GABRB1: variants seen among roughly 807,000 people sequenced by gnomAD.
GABRB1 encodes the protein gamma-aminobutyric acid type A receptor subunit beta1, also known as gamma-aminobutyric acid receptor subunit beta-1.
Under a neutral mutation model 51.6 loss-of-function variants are expected in GABRB1, and 17 were observed. That is an observed-to-expected ratio of 0.33 (90% confidence interval 0.23 to 0.49). The LOEUF is 0.49. Ranked by LOEUF, GABRB1 falls within the 20% of genes least tolerant of loss-of-function variation. GABRB1 has a pLI of 0.99. For missense variants in GABRB1, 410 were observed against 600.6 expected (o/e 0.68, Z 3.32); for synonymous variants, 247 against 218.9 (o/e 1.13, Z -1.14).
At chr4:47,166,238 C>T (rs1342244040) in intron 4 of GABRB1, among the ~76,000 whole-genome samples, 1 of 151,950 alleles carries the variant, frequency 6.6e-6, no homozygotes, top group Non-Finnish European at 1.5e-5. Context: ...ATGGGATGAA[C>T]TGCGTAAGTC....
chr4:47,280,289 C>A (rs993682673), intron 4 of GABRB1, among the ~76,000 whole-genome samples: 24 of 151,628 alleles, frequency 1.6e-4, no homozygotes, highest in African/African-American at 5.8e-4. Context: ...TACTCTCTTC[C>A]CCCCCACTTT....
chr4:47,012,886 T>C (rs1313054200), intron 1 of GABRB1, among the ~76,000 whole-genome samples: 2 of 152,212 alleles, frequency 1.3e-5, no homozygotes, highest in African/African-American at 4.8e-5. Context: ...CACATGGTAA[T>C]TGGAACCTCA....
chr4:47,173,185 G>A (rs548655765), intron 4 of GABRB1, among the ~76,000 whole-genome samples: 16 of 152,104 alleles, frequency 1.1e-4, no homozygotes, highest in African/African-American at 2.4e-4. Context: ...TTGTTTGTTC[G>A]TTTTAAACAC....
intron 4 of GABRB1, among the ~76,000 whole-genome samples, chr4:47,282,170 A>G (rs190108604): frequency 1.7e-4 from 26 of 152,222 alleles, no homozygotes; most frequent in African/African-American, 6.3e-4. Context: ...ATTATTTGTC[A>G]GTTAAAAATT....
At position 47,425,660 on chromosome 4, in the gene GABRB1, CT is replaced by C. The variant is rs769250982; in HGVS notation, c.1081-9del. On this transcript the variant is annotated splice_polypyrimidine_tract_variant and intron_variant, in intron 8 of 8. Coordinates refer to ENST00000295454, the MANE Select transcript of GABRB1 (RefSeq NM_000812.4). ...CCTGCAACTTGTGTCCGAGCCTGTT[CT>C]TTTTGCCATCAGGTCGACGCCCACG... The C allele has an allele frequency of 6.3e-6, 10 of 1,575,056 alleles. No individual in the cohort carries two copies. In the South Asian group the frequency reaches 9.4e-5, roughly 15 times the overall value.
chr4:47,300,278 T>A (rs1035950278), intron 4 of GABRB1, among the ~76,000 whole-genome samples: 2 of 151,962 alleles, frequency 1.3e-5, no homozygotes, highest in African/African-American at 4.8e-5. Flanking sequence ...AAAGTGTTAA[T>A]AGTAAAAAAA....
intron 4 of GABRB1, among the ~76,000 whole-genome samples, chr4:47,258,975 C>T (rs112748542): frequency 1.2e-3 from 176 of 152,194 alleles, no homozygotes; most frequent in African/African-American, 3.9e-3. Flanking sequence ...TGCTTGCTGC[C>T]TTGGAGCTTT....
intron 3 of GABRB1, among the ~76,000 whole-genome samples, chr4:47,111,952 G>A (rs144889408): frequency 1.1e-4 from 16 of 147,684 alleles, no homozygotes; most frequent in African/African-American, 3.2e-4. Flanking sequence ...TTTCCTTCAT[G>A]AATACAAAGT....
In GABRB1 at chr4:47,254,361, G is replaced by GGTTTTTT. The variant is rs1305298443; in HGVS notation, c.462-65766_462-65765insGTTTTTT. 1.1e-4 allele frequency among the ~76,000 whole-genome samples: 9 copies of GGTTTTTT among 80,966 alleles called. 2 individuals carry two copies. The highest frequency in any genetic ancestry group is 2.1e-4 in the African/African-American group (4 of 19,290). The allele number at this position is 80,966 out of a possible 152,430, so 53.1% of individuals were successfully genotyped here. On this transcript the variant is annotated intron_variant, in intron 4 of 8. Transcript: ENST00000295454. ...ATGGTGGATGATGTTTCTTTTCTTT[G>GGTTTTTT]TTTTTTTTTTTTTTTTTTTTTTTTT... is the stretch of plus-strand genomic sequence containing the variant.
intron 5 of GABRB1, among the ~76,000 whole-genome samples, chr4:47,338,599 T>C (rs906733819): frequency 1.3e-5 from 2 of 152,220 alleles, no homozygotes; most frequent in African/African-American, 4.8e-5. Context: ...TTTCTCCCTA[T>C]TATTGGCAGG....
At chr4:47,060,423 G>T (rs761781617) in intron 3 of GABRB1, among the ~76,000 whole-genome samples, 3 of 151,968 alleles carry the variant, frequency 2.0e-5, no homozygotes, top group African/African-American at 7.3e-5. Flanking sequence ...CCCCATAACC[G>T]CAGAATAAAA....
intron 3 of GABRB1, among the ~76,000 whole-genome samples, chr4:47,109,215 T>C (rs544928869): frequency 1.3e-5 from 2 of 152,116 alleles, no homozygotes; most frequent in African/African-American, 2.4e-5. Flanking sequence ...GGGAACCAGA[T>C]AGAAGAGTAT....
chr4:47,299,239 G>C (rs564159644), intron 4 of GABRB1, among the ~76,000 whole-genome samples: 1 of 152,090 alleles, frequency 6.6e-6, no homozygotes, highest in African/African-American at 2.4e-5. Context: ...ATTGACAAAT[G>C]GGATCTCATT....
At chr4:47,042,710 T>A (rs924251224) in intron 3 of GABRB1, among the ~76,000 whole-genome samples, 3 of 151,710 alleles carry the variant, frequency 2.0e-5, no homozygotes, top group African/African-American at 4.8e-5. Context: ...TAGGGATTTT[T>A]AAATAAGAAT....
At chr4:47,121,307 T>C (rs1012809384) in intron 3 of GABRB1, among the ~76,000 whole-genome samples, 3 of 152,108 alleles carry the variant, frequency 2.0e-5, no homozygotes, top group African/African-American at 7.2e-5. Context: ...ACATAGATTC[T>C]CTCTCCCCAC....
At chr4:47,204,269 T>C (rs370863297) in intron 4 of GABRB1, among the ~76,000 whole-genome samples, 10 of 152,198 alleles carry the variant, frequency 6.6e-5, no homozygotes, top group African/African-American at 2.2e-4. Context: ...AATTTCTCTG[T>C]CTGTATTTGA....
At chr4:47,040,359 A>G (rs993686738) in intron 3 of GABRB1, among the ~76,000 whole-genome samples, 6 of 152,196 alleles carry the variant, frequency 3.9e-5, no homozygotes, top group African/African-American at 1.4e-4. Flanking sequence ...ATGAGAGGTG[A>G]TAGATGCCTA....
chr4:47,195,387 AGATAGAT>A (rs1398103981), intron 4 of GABRB1, among the ~76,000 whole-genome samples: 1 of 40,280 alleles, frequency 2.5e-5, no homozygotes, highest in Non-Finnish European at 6.5e-5. Context: ...ATAGATAGAT[AGATAGAT>A]GATAGATAGA....
At chr4:47,206,740 G>C (rs576102509) in intron 4 of GABRB1, among the ~76,000 whole-genome samples, 1 of 151,848 alleles carries the variant, frequency 6.6e-6, no homozygotes, top group African/African-American at 2.4e-5. Flanking sequence ...CAAATCAAAA[G>C]CATAGCCAAA....
Sources: gnomAD v4.1 joint callset for allele counts (sites outside exome capture counted in the v4.1 genomes callset) on GRCh38, gnomAD v4.1.1 for gene constraint, MANE v1.5 for transcripts, NCBI Gene and HGNC (gene_info 2026-07-23, HGNC 2026-07-21) for gene names.